The following THSD7A variants were observed in gnomAD, a reference collection of about 807,000 sequenced individuals.
THSD7A encodes thrombospondin type-1 domain-containing protein 7A.
A neutral mutation model predicts 231.3 loss-of-function variants in THSD7A; 96 were observed. The ratio of observed to expected loss-of-function variants is 0.41; its 90% CI spans 0.35 to 0.49. The LOEUF (loss-of-function observed/expected upper bound fraction) is 0.49. Among genes scored for constraint, THSD7A ranks in the 20% least tolerant of loss-of-function variants. The pLI, the probability that THSD7A is intolerant of heterozygous loss-of-function variation, is 0.05. For synonymous variants in THSD7A, 940 were observed against 743.3 expected, an observed-to-expected ratio of 1.26 and a Z score of -4.30; for missense variants, 2,290 against 2,070.2, an observed-to-expected ratio of 1.11 and a Z score of -2.06.
chr7:11,723,085 C>CA lies in THSD7A; in HGVS notation c.191-86125dup, dbSNP rs547246895. Among the ~76,000 whole-genome samples the CA allele has an allele frequency of 2.0e-3, 310 of 151,958 alleles. 1 individual carries two copies. Among genetic ancestry groups the CA allele is most frequent in the African/African-American group, 7.1e-3 (296 of 41,468 alleles). On this transcript the variant is annotated intron_variant, in intron 1 of 27. Coordinates refer to ENST00000423059, the MANE Select transcript of THSD7A (RefSeq NM_015204.3). The stretch of plus-strand genomic sequence containing the variant: ...AAGACATGGAACCAATCCAAATGTC[C>CA]AACAATGACAGACTGGATTAAGAAA...
At chr7:11,708,799 A>T (rs979774826) in intron 1 of THSD7A, among the ~76,000 whole-genome samples, 13 of 150,834 alleles carry the variant, frequency 8.6e-5, no homozygotes, top group African/African-American at 2.9e-4. Flanking sequence ...AATTATTATC[A>T]AATAGTTATT....
At chr7:11,619,167 A>G (rs1348012214) in intron 2 of THSD7A, among the ~76,000 whole-genome samples, 1 of 152,064 alleles carries the variant, frequency 6.6e-6, no homozygotes, top group East Asian at 1.9e-4. Flanking sequence ...AACTGGTTAC[A>G]TTTGTTACTA....
intron 1 of THSD7A, among the ~76,000 whole-genome samples, chr7:11,745,223 T>G (rs1782248102): frequency 6.6e-6 from 1 of 152,262 alleles, no homozygotes; most frequent in East Asian, 1.9e-4. Flanking sequence ...ATGTGTCTTT[T>G]GGCTGCATAA....
chr7:11,551,284 C>G (rs1325562612), intron 4 of THSD7A, among the ~76,000 whole-genome samples: 4 of 152,002 alleles, frequency 2.6e-5, no homozygotes, highest in African/African-American at 4.8e-5. Context: ...TAGGCCCCAG[C>G]AAAGATTTCA....
At chr7:11,656,238 C>T (rs1467870523) in intron 1 of THSD7A, among the ~76,000 whole-genome samples, 1 of 151,848 alleles carries the variant, frequency 6.6e-6, no homozygotes, top group East Asian at 1.9e-4. Context: ...ATGACAAATG[C>T]TTTACATATT....
chr7:11,635,188 T>C (rs2128359626), intron 2 of THSD7A, among the ~76,000 whole-genome samples: 1 of 152,322 alleles, frequency 6.6e-6, no homozygotes, highest in Non-Finnish European at 1.5e-5. Flanking sequence ...ATAGACTGTG[T>C]GATAGAGTTG....
At chr7:11,778,980 T>C (rs1043374363) in intron 1 of THSD7A, among the ~76,000 whole-genome samples, 2 of 152,138 alleles carry the variant, frequency 1.3e-5, no homozygotes, top group African/African-American at 4.8e-5. Context: ...AATATTCACA[T>C]ACAAAAATAT....
intron 13 of THSD7A, among the ~76,000 whole-genome samples, chr7:11,440,292 TGATG>T (rs1357617424): frequency 6.6e-6 from 1 of 152,074 alleles, no homozygotes; most frequent in Non-Finnish European, 1.5e-5. Flanking sequence ...CTAAGAGCTC[TGATG>T]GAGATGTACA....
intron 3 of THSD7A, among the ~76,000 whole-genome samples, chr7:11,591,501 C>A (rs984818083): frequency 6.6e-6 from 1 of 152,042 alleles, no homozygotes; most frequent in African/African-American, 2.4e-5. Flanking sequence ...AGATGAACAG[C>A]CAACATAGGT....
intron 4 of THSD7A, among the ~76,000 whole-genome samples, chr7:11,587,028 A>G (rs1379637266): frequency 6.6e-6 from 1 of 152,186 alleles, no homozygotes; most frequent in African/African-American, 2.4e-5. Context: ...TTGTCTTATA[A>G]CCAATACTTT....
intron 6 of THSD7A, among the ~76,000 whole-genome samples, chr7:11,495,616 A>G (rs1049749588): frequency 2.6e-5 from 4 of 152,178 alleles, no homozygotes; most frequent in Non-Finnish European, 5.9e-5. Context: ...ACTGCTCTCT[A>G]GAAGCCATTA....
intron 13 of THSD7A, among the ~76,000 whole-genome samples, chr7:11,435,641 G>A (rs1024999048): frequency 6.6e-6 from 1 of 151,910 alleles, no homozygotes; most frequent in Non-Finnish European, 1.5e-5. Context: ...GATTATGGAT[G>A]CCTCATGTTT....
chr7:11,543,756 T>A (rs185255920), intron 4 of THSD7A, among the ~76,000 whole-genome samples: 5 of 152,370 alleles, frequency 3.3e-5, no homozygotes, highest in Admixed American at 6.5e-5. Flanking sequence ...TATAATTATC[T>A]ACATTTGTTC....
At chr7:11,772,634 T>C (rs1305703144) in intron 1 of THSD7A, among the ~76,000 whole-genome samples, 1 of 152,174 alleles carries the variant, frequency 6.6e-6, no homozygotes, top group Non-Finnish European at 1.5e-5. Flanking sequence ...ATTCTGTGCA[T>C]TCTTACTTAA....
intron 2 of THSD7A, among the ~76,000 whole-genome samples, chr7:11,623,845 C>G (rs148466091): frequency 1.3e-5 from 2 of 152,226 alleles, no homozygotes; most frequent in African/African-American, 4.8e-5. Context: ...GTTCTGGCCA[C>G]CTGAAATCAT....
intron 11 of THSD7A, among the ~76,000 whole-genome samples, chr7:11,459,941 T>C (rs1253695032): frequency 6.6e-6 from 1 of 152,130 alleles, no homozygotes; most frequent in Non-Finnish European, 1.5e-5. Flanking sequence ...CTGTATGCTA[T>C]AAGTCAATAT....
chr7:11,420,151 T>C (rs922018496), intron 16 of THSD7A, among the ~76,000 whole-genome samples: 1 of 152,234 alleles, frequency 6.6e-6, no homozygotes, highest in Non-Finnish European at 1.5e-5. Context: ...TCAAGCCAGA[T>C]GCAGGAATTT....
intron 1 of THSD7A, among the ~76,000 whole-genome samples, chr7:11,794,027 G>A (rs945518353): frequency 2.0e-5 from 3 of 151,730 alleles, no homozygotes; most frequent in African/African-American, 7.3e-5. Flanking sequence ...GAAATAATGA[G>A]GAAAAGTGAA....
At chr7:11,712,752 T>A (rs989781080) in intron 1 of THSD7A, among the ~76,000 whole-genome samples, 2 of 151,104 alleles carry the variant, frequency 1.3e-5, no homozygotes, top group Non-Finnish European at 3.0e-5. Context: ...TAACAGTTGA[T>A]AAATTACATA....
Sources: allele counts gnomAD v4.1 joint callset (sites outside exome capture counted in the v4.1 genomes callset), GRCh38; gene constraint gnomAD v4.1.1; transcripts MANE v1.5; gene names NCBI Gene and HGNC (gene_info 2026-07-23, HGNC 2026-07-21).